The following KIF7 variants were observed in gnomAD, a reference collection of about 807,000 sequenced individuals.
KIF7 encodes kinesin-like protein KIF7.
In KIF7, 104 loss-of-function variants were observed where a neutral mutation model predicts 135.7. The observed-to-expected ratio is 0.77, with a 90% CI of 0.65 to 0.90. KIF7 has a LOEUF of 0.90. Ranked by LOEUF, KIF7 falls within the 40% of genes least tolerant of loss-of-function variation. The pLI is 0.00. For synonymous variants in KIF7, 883 were observed against 809.4 expected (o/e 1.09, Z -1.54); for missense variants, 2,005 against 1,839.1 (o/e 1.09, Z -1.65).
chr15:89,659,480 AAG>A (rs920678208), upstream of KIF7, among the ~76,000 whole-genome samples: 24 of 151,618 alleles, frequency 1.6e-4, no homozygotes, highest in African/African-American at 5.1e-4. Flanking sequence ...GAAAGAAAGA[AAG>A]AGAAAGAAAG....
intron 1 of KIF7, chr15:89,619,986 G>A: frequency 1.1e-6 from 1 of 949,138 alleles, no homozygotes. Flanking sequence ...TCAGGGTGAT[G>A]GCTAGATGGA....
intron 2 of KIF7, among the ~76,000 whole-genome samples, chr15:89,617,834 G>T (rs2141977850): frequency 6.6e-6 from 1 of 152,180 alleles, no homozygotes. Flanking sequence ...TGGGACTACA[G>T]GCGCATGCCA....
At position 89,643,810 on chromosome 15, in the gene KIF7, G is replaced by A. The variant is rs547371177; in HGVS notation, c.2191+1203C>T. Among the ~76,000 whole-genome samples, 30 of 151,530 alleles carry A rather than the reference G, an allele frequency of 2.0e-4. 1 individual carries two copies. The South Asian group carries it at 5.4e-3, about 27-fold the overall frequency. On this transcript the variant is annotated intron_variant, in intron 10 of 18. Transcript: ENST00000394412. ...TGAAGCAGGAGAATCACTTGAACTCGGGAGGCAGAGGTTGCAGTGAGCCAA... is the reference window on the plus strand; with the variant it reads ...TGAAGCAGGAGAATCACTTGAACTCAGGAGGCAGAGGTTGCAGTGAGCCAA...
chr15:89,661,652 G>A, the KIF7 span, among the ~76,000 whole-genome samples: 1 of 152,110 alleles, frequency 6.6e-6, no homozygotes, highest in Admixed American at 6.5e-5. Flanking sequence ...TACTAACAAG[G>A]TATGCAGAAG....
At chr15:89,632,246 C>T (rs1177531356) in intron 14 of KIF7, among the ~76,000 whole-genome samples, 1 of 152,182 alleles carries the variant, frequency 6.6e-6, no homozygotes, top group African/African-American at 2.4e-5. Context: ...GGAACAGGCC[C>T]TGCATCAATG....
At chr15:89,662,018 G>A in the KIF7 span, among the ~76,000 whole-genome samples, 1 of 152,142 alleles carries the variant, frequency 6.6e-6, no homozygotes, top group Non-Finnish European at 1.5e-5. Context: ...ACAGGTGTGA[G>A]CCACCTAATC....
chr15:89,631,447 C>G, intron 15 of KIF7, 48 bp downstream of exon 15: 1 of 1,475,858 alleles, frequency 6.8e-7, no homozygotes, highest in Non-Finnish European at 9.2e-7. Flanking sequence ...AGCAGACAGA[C>G]AGGCATACAA....
chr15:89,653,076 T>G lies in KIF7; in HGVS notation c.-24-122A>C, dbSNP rs1453774230. 15 of 766,004 alleles carry G rather than the reference T, an allele frequency of 2.0e-5. No homozygotes were observed. In the East Asian group the frequency reaches 2.7e-4, roughly 14 times the overall value. 47.5% of individuals were successfully genotyped at this position (766,004 alleles called of 1,614,324 possible). On this transcript the variant is annotated intron_variant, in intron 1 of 18. Transcript: ENST00000394412. ...CCTTGGAGGGATTGGGGGAGGGTGG[T>G]CAAAGTTCACAATATCCCCATGTCC...
At chr15:89,625,745 G>C, downstream of KIF7, 1 of 1,612,772 alleles carries the variant, frequency 6.2e-7, no homozygotes, top group Non-Finnish European at 8.5e-7. Context: ...TGGAGTGCAT[G>C]GCAGCTACCC....
Position 89,653,259 on chromosome 15 carries a change from G to T in KIF7, c.-24-305C>A, listed in dbSNP as rs548625869. On this transcript the variant is annotated intron_variant, in intron 1 of 18. Transcript: ENST00000394412. The stretch of plus-strand genomic sequence containing the variant: ...GCCCCTATGGCCCCATCTCCTAGAA[G>T]AACGCACACACACAGCACCACACCA... Among the ~76,000 whole-genome samples the T allele has an allele frequency of 7.9e-5, 12 of 152,232 alleles. No homozygotes were observed. The South Asian group carries it at 2.5e-3, about 32-fold the overall frequency.
At chr15:89,626,320 A>G (rs2141987374), downstream of KIF7, among the ~76,000 whole-genome samples, 1 of 152,310 alleles carries the variant, frequency 6.6e-6, no homozygotes, top group Middle Eastern at 3.4e-3. Flanking sequence ...GGCTTGCCGC[A>G]ACATGCTGCT....
chr15:89,618,231 T>G, intron 1 of KIF7: 2 of 1,609,514 alleles, frequency 1.2e-6, no homozygotes, highest in Non-Finnish European at 1.7e-6. Context: ...TCTCTTTTTG[T>G]TTTTAATGCA....
chr15:89,659,164 GA>G (rs1374809060), upstream of KIF7, among the ~76,000 whole-genome samples: 1 of 152,138 alleles, frequency 6.6e-6, no homozygotes, highest in Non-Finnish European at 1.5e-5. Context: ...CAACAAGCTG[GA>G]AGAAGATATT....
At chr15:89,626,035 C>T, downstream of KIF7, 2 of 1,613,946 alleles carry the variant, frequency 1.2e-6, no homozygotes, top group Non-Finnish European at 1.7e-6. Context: ...GGGAAAACAC[C>T]TTCCTCTCAG....
chr15:89,637,311 G>T (rs1963829530), intron 11 of KIF7, among the ~76,000 whole-genome samples: 5 of 138,928 alleles, frequency 3.6e-5, no homozygotes, highest in South Asian at 2.4e-4. Context: ...CTAGCAGAAG[G>T]CAAGAAATAA....
intron 11 of KIF7, among the ~76,000 whole-genome samples, chr15:89,634,226 G>A (rs1337061046): frequency 6.6e-6 from 1 of 152,160 alleles, no homozygotes; most frequent in Non-Finnish European, 1.5e-5. Context: ...TTGAACCCGG[G>A]AGGCAGAGGT....
At chr15:89,656,758 C>T (rs1300447936), upstream of KIF7, among the ~76,000 whole-genome samples, 2 of 152,126 alleles carry the variant, frequency 1.3e-5, no homozygotes, top group Non-Finnish European at 2.9e-5. Context: ...GAAACTAAAA[C>T]CTCGAGCAAT....
chr15:89,625,447 C>T (rs1457372426), downstream of KIF7: 9 of 1,613,998 alleles, frequency 5.6e-6, no homozygotes, highest in Non-Finnish European at 7.6e-6. Flanking sequence ...TCCTGGGAGC[C>T]TGTCACTGCT....
chr15:89,630,311 G>C lies in KIF7; in HGVS notation c.3294C>G (p.Ala1098=), dbSNP rs763451105. 2 of 1,614,126 alleles carry C rather than the reference G, an allele frequency of 1.2e-6. No individual in the cohort carries two copies. Among genetic ancestry groups the C allele is most frequent in the African/African-American group, 1.3e-5 (1 of 75,044 alleles). Residue 1098 remains alanine (A), a synonymous_variant, in exon 16 of 19, where the codon GCC becomes GCG. Transcript: ENST00000394412. Reference sequence around the variant, plus strand: ...CCTTGTCAAAATACTTGCAGAGGAGGGCTCTGGTCTCTGAGGATGAGAGGT... The same window carrying C: ...CCTTGTCAAAATACTTGCAGAGGAGCGCTCTGGTCTCTGAGGATGAGAGGT... The part of the protein sequence containing the change: ...LSYLSSSETR[A]LLCKYFDKVV...
Sources: allele counts gnomAD v4.1 joint callset (sites outside exome capture counted in the v4.1 genomes callset), GRCh38; gene constraint gnomAD v4.1.1; transcripts MANE v1.5; gene names NCBI Gene and HGNC (gene_info 2026-07-23, HGNC 2026-07-21).